SERINC1: variants seen among roughly 807,000 people sequenced by gnomAD.
The protein encoded by SERINC1 is tumor differentially expressed protein 2.
In SERINC1, 38 loss-of-function variants were observed where a neutral mutation model predicts 52.9. The observed-to-expected ratio is 0.72, with a 90% CI of 0.55 to 0.94. The LOEUF (loss-of-function observed/expected upper bound fraction) is 0.94, where lower values mean the gene tolerates loss of function less well. Ranked by LOEUF, SERINC1 falls within the 40% of genes least tolerant of loss-of-function variation. The pLI, the probability that SERINC1 is intolerant of heterozygous loss-of-function variation, is 0.00. For synonymous variants in SERINC1, 198 were observed against 183.1 expected, an observed-to-expected ratio of 1.08 and a Z score of -0.66; for missense variants, 471 against 533.9, an observed-to-expected ratio of 0.88 and a Z score of 1.16.
At chr6:122,468,507 C>A (rs1238557197) in intron 1 of SERINC1, among the ~76,000 whole-genome samples, 2 of 152,166 alleles carry the variant, frequency 1.3e-5, no homozygotes, top group Non-Finnish European at 2.9e-5. Context: ...TTAAGAAACT[C>A]TCCTGACAAA....
Position 122,444,477 on chromosome 6 carries a change from A to T in SERINC1, c.*567T>A, listed in dbSNP as rs1774724017. ...ACCCAAGTAAGATTATTTACTCGTT[A>T]TTCAATTTAGTACCGACACCTCCAT... On this transcript the variant is annotated 3_prime_UTR_variant, in exon 10 of 10. Transcript: ENST00000339697. The T allele has an allele frequency of 6.6e-6, 1 of 152,278 alleles. No individual in the cohort carries two copies. Among genetic ancestry groups the T allele is most frequent in the South Asian group, 2.1e-4 (1 of 4,838 alleles). The allele number at this position is 152,278 out of a possible 1,614,324, so 9.4% of individuals were successfully genotyped here.
intron 2 of SERINC1, among the ~76,000 whole-genome samples, chr6:122,456,884 T>C (rs1453169415): frequency 6.6e-6 from 1 of 152,176 alleles, no homozygotes; most frequent in Non-Finnish European, 1.5e-5. Flanking sequence ...TCTATGCTGG[T>C]TGCTTATTTT....
At position 122,456,540 on chromosome 6, in the gene SERINC1, GAGA is replaced by G. The variant is rs748872761; in HGVS notation, c.309_311del (p.Leu104del). 1.9e-5 allele frequency: 30 copies of G among 1,612,510 alleles called. No individual in the cohort carries two copies. The highest frequency in any genetic ancestry group is 2.4e-5 in the Non-Finnish European group (28 of 1,179,216). On this transcript the variant is annotated inframe_deletion, in exon 3 of 10. Coordinates refer to ENST00000339697, the MANE Select transcript of SERINC1 (RefSeq NM_020755.4). The stretch of plus-strand genomic sequence containing the variant: ...TCTTCACTTTGATCATTAGTAAAGA[GAGA>G]AGAAGATAGAACATAGCCAAACCAA...
intron 9 of SERINC1, 43 bp from the exon 10 acceptor site, chr6:122,445,222 G>T: frequency 1.3e-6 from 2 of 1,589,394 alleles, no homozygotes; most frequent in South Asian, 2.3e-5. Context: ...CAAGGGGGTT[G>T]AATTATCAGC....
At chr6:122,464,897 T>C (rs1442451924) in intron 1 of SERINC1, among the ~76,000 whole-genome samples, 1 of 152,178 alleles carries the variant, frequency 6.6e-6, no homozygotes, top group Non-Finnish European at 1.5e-5. Flanking sequence ...TCAATGTTTC[T>C]AGGGTATAAG....
rs752997808 is a variant in SERINC1, at chr6:122,446,848, G to GT, written c.1151dup (p.Tyr384Ter). The GT allele has an allele frequency of 6.2e-7, 1 of 1,613,982 alleles. No homozygotes were observed. Among genetic ancestry groups the GT allele is most frequent in the Non-Finnish European group, 8.5e-7 (1 of 1,179,878 alleles). ...AVDNERDGVTYSYSFFHFMLF... is the reference protein window; with the variant it reads ...AVDNERDGVT ...GCATGAAGTGAAAGAAGGAATAACT[G>GT]TAAGTGACACCATCCCTTTCATTAT... is the stretch of plus-strand genomic sequence containing the variant. The change falls in exon 9 of 10, where the codon TAC (tyrosine) becomes TAAC (stop). Residue 384 changes from tyrosine to a stop codon, truncating the protein, a stop_gained and frameshift_variant. Transcript: ENST00000339697. LOFTEE classifies it high-confidence loss of function.
At position 122,451,991 on chromosome 6, in the gene SERINC1, T is replaced by G. The variant is rs145924073; in HGVS notation, c.656A>C (p.Tyr219Ser). The G allele has an allele frequency of 2.2e-4, 348 of 1,594,594 alleles. No individual in the cohort carries two copies. Among genetic ancestry groups the G allele is most frequent in the Non-Finnish European group, 4.4e-5 (52 of 1,171,174 alleles). Residue 219 changes from tyrosine (Y) to serine (S), a missense_variant, in exon 6 of 10, where the codon TAC (tyrosine) becomes TCC (serine). Tyr to Ser is a moderately radical substitution (Grantham distance 144). Transcript: ENST00000339697. Reference sequence around the variant, plus strand: ...TGAACAACTGGCTGGATGAGTGTAGTAGACAAAGAACAGGACGATAGCAAC... The same window carrying G: ...TGAACAACTGGCTGGATGAGTGTAGGAGACAAAGAACAGGACGATAGCAAC... ...SLVAIVLFFV[Y>S]YTHPASCSEN... is the part of the protein sequence containing the mutation.
At chr6:122,462,411 T>C (rs915660523) in intron 1 of SERINC1, among the ~76,000 whole-genome samples, 1 of 152,064 alleles carries the variant, frequency 6.6e-6, no homozygotes, top group African/African-American at 2.4e-5. Context: ...AAAATTGGAA[T>C]GGAAGACACG....
At chr6:122,457,126 GC>G (rs1388060216) in intron 2 of SERINC1, among the ~76,000 whole-genome samples, 1 of 152,000 alleles carries the variant, frequency 6.6e-6, no homozygotes, top group East Asian at 1.9e-4. Flanking sequence ...AAACCCAAAG[GC>G]TACTGCTTAA....
chr6:122,448,644 A>G (rs1027578191), intron 7 of SERINC1, among the ~76,000 whole-genome samples: 2 of 152,188 alleles, frequency 1.3e-5, no homozygotes, highest in East Asian at 1.9e-4. Flanking sequence ...AAAAAATTAT[A>G]CTGTTCACAA....
At chr6:122,468,328 T>C (rs529757139) in intron 1 of SERINC1, among the ~76,000 whole-genome samples, 17 of 152,312 alleles carry the variant, frequency 1.1e-4, no homozygotes, top group African/African-American at 4.1e-4. Context: ...ACATTGTAGA[T>C]TTAGCAGCAT....
intron 2 of SERINC1, among the ~76,000 whole-genome samples, chr6:122,457,804 C>CATATAT (rs60098882): frequency 0.054 from 7,901 of 147,516 alleles, 236 homozygotes; most frequent in African/African-American, 0.065. Context: ...GTAAGACATA[C>CATATAT]ATATATATAT....
chr6:122,464,131 G>A (rs1324187135), intron 1 of SERINC1, among the ~76,000 whole-genome samples: 1 of 152,130 alleles, frequency 6.6e-6, no homozygotes, highest in African/African-American at 2.4e-5. Context: ...GAAAATAGGG[G>A]TTGCCAAGGA....
At chr6:122,463,845 A>G (rs927955819) in intron 1 of SERINC1, among the ~76,000 whole-genome samples, 4 of 152,158 alleles carry the variant, frequency 2.6e-5, no homozygotes, top group African/African-American at 9.7e-5. Context: ...CCACACTCAG[A>G]TATTTATTCA....
At chr6:122,452,120 G>C (rs1774920911) in intron 5 of SERINC1, 63 bp from the exon 6 acceptor site, 1 of 1,088,060 alleles carries the variant, frequency 9.2e-7, no homozygotes, top group Admixed American at 3.1e-5. Context: ...ATTAGAAATG[G>C]GACCTGTTTT....
At chr6:122,470,300 C>T (rs1202572947) in intron 1 of SERINC1, among the ~76,000 whole-genome samples, 1 of 152,178 alleles carries the variant, frequency 6.6e-6, no homozygotes, top group African/African-American at 2.4e-5. Context: ...CACGGACATT[C>T]TTCTAATCAA....
chr6:122,455,744 A>T (rs192899503), intron 3 of SERINC1, among the ~76,000 whole-genome samples: 11 of 152,286 alleles, frequency 7.2e-5, no homozygotes, highest in East Asian at 5.8e-4. Context: ...TTATGGAAAA[A>T]TGAGAATGTT....
At chr6:122,453,710 A>G (rs1774949572) in intron 5 of SERINC1, 60 bp downstream of exon 5, 2 of 1,412,624 alleles carry the variant, frequency 1.4e-6, no homozygotes, top group South Asian at 1.6e-5. Context: ...CCTAGTCTAC[A>G]TATCTATTCT....
chr6:122,447,519 G>A (rs1483953628), intron 7 of SERINC1, among the ~76,000 whole-genome samples: 1 of 152,112 alleles, frequency 6.6e-6, no homozygotes, highest in African/African-American at 2.4e-5. Flanking sequence ...TGATAGCTGA[G>A]AGATAATTAC....
Sources: allele counts gnomAD v4.1 joint callset (sites outside exome capture counted in the v4.1 genomes callset), GRCh38; gene constraint gnomAD v4.1.1; transcripts MANE v1.5; gene names NCBI Gene and HGNC (gene_info 2026-07-23, HGNC 2026-07-21).